C12orf54: variants seen among roughly 807,000 people sequenced by gnomAD.
C12orf54 encodes chromosome 12 open reading frame 54, also known as uncharacterized protein C12orf54.
In C12orf54, 24 loss-of-function variants were observed where a neutral mutation model predicts 26.4. That is an observed-to-expected ratio of 0.91 (90% CI 0.66 to 1.28). The LOEUF (loss-of-function observed/expected upper bound fraction) is 1.28. Among genes scored for constraint, C12orf54 ranks in the 50% most tolerant of loss-of-function variants. The probability of loss-of-function intolerance (pLI) is 0.00; values close to 1 mark genes in which losing one functional copy is unlikely to be tolerated. For missense variants in C12orf54, 154 were observed against 150.9 expected (o/e 1.02, Z -0.11); for synonymous variants, 54 against 47.0 (o/e 1.15, Z -0.61).
At chr12:48,444,105 A>G in the C12orf54 span, among the ~76,000 whole-genome samples, 1 of 152,250 alleles carries the variant, frequency 6.6e-6, no homozygotes, top group Non-Finnish European at 1.5e-5. Flanking sequence ...CCTGTTGGAT[A>G]TAGATCTCTT....
In C12orf54 at chr12:48,489,137, A is replaced by T. The variant is rs757510334; in HGVS notation, c.168+181A>T. 10 of 764,872 alleles carry T rather than the reference A, an allele frequency of 1.3e-5. No individual in the cohort carries two copies. In the African/African-American group the frequency reaches 1.5e-4, roughly 12 times the overall value. The allele number at this position is 764,872 out of a possible 1,614,324, so 47.4% of individuals were successfully genotyped here. Reference sequence around the variant, plus strand: ...CAGTCCAGGCGGCTAAGGCAAGAAGATGCCTAACAGTTCCCTTGAGGAAAT... The same window carrying T: ...CAGTCCAGGCGGCTAAGGCAAGAAGTTGCCTAACAGTTCCCTTGAGGAAAT... On this transcript the variant is annotated intron_variant, in intron 5 of 8. Coordinates refer to ENST00000548364, the MANE Select transcript of C12orf54 (RefSeq NM_152319.4).
At chr12:48,473,551 G>C in the C12orf54 span, 1 of 339,408 alleles carries the variant, frequency 2.9e-6, no homozygotes, top group Non-Finnish European at 5.7e-6. Context: ...GAGAGGAAAA[G>C]TGTACTGGGG....
chr12:48,481,627 A>T (rs1180676900), upstream of C12orf54, among the ~76,000 whole-genome samples: 1 of 152,172 alleles, frequency 6.6e-6, no homozygotes, highest in African/African-American at 2.4e-5. Flanking sequence ...TCTGTTGTAC[A>T]TACCCTGGCA....
the C12orf54 span, among the ~76,000 whole-genome samples, chr12:48,458,704 C>T: frequency 6.6e-6 from 1 of 151,412 alleles, no homozygotes; most frequent in African/African-American, 2.4e-5. Flanking sequence ...ATGCCTGACA[C>T]CTGCTCCACA....
the C12orf54 span, among the ~76,000 whole-genome samples, chr12:48,435,091 G>A: frequency 6.6e-6 from 1 of 152,242 alleles, no homozygotes; most frequent in East Asian, 1.9e-4. Context: ...TGAAAACTAT[G>A]GCACGAGAAC....
At chr12:48,453,535 A>T in the C12orf54 span, among the ~76,000 whole-genome samples, 2 of 143,534 alleles carry the variant, frequency 1.4e-5, no homozygotes, top group Non-Finnish European at 3.0e-5. Flanking sequence ...ATATATATAC[A>T]CATACATATA....
the C12orf54 span, among the ~76,000 whole-genome samples, chr12:48,428,743 G>A: frequency 2.6e-5 from 4 of 152,038 alleles, no homozygotes; most frequent in Non-Finnish European, 4.4e-5. Context: ...AAGACATAAA[G>A]AAGAATTGGT....
chr12:48,442,819 C>G, the C12orf54 span: 85 of 156,868 alleles, frequency 5.4e-4, no homozygotes, highest in Non-Finnish European at 1.1e-3. Context: ...TCACCACCAG[C>G]AGCAGCAGGT....
chr12:48,423,659 TG>T, the C12orf54 span, among the ~76,000 whole-genome samples: 1 of 152,232 alleles, frequency 6.6e-6, no homozygotes, highest in South Asian at 2.1e-4. Flanking sequence ...CAATGTACTT[TG>T]TTTTCTTGCT....
chr12:48,450,235 T>C, the C12orf54 span, among the ~76,000 whole-genome samples: 2 of 152,200 alleles, frequency 1.3e-5, no homozygotes, highest in Non-Finnish European at 2.9e-5. Context: ...GAATGAATTT[T>C]GACTAAATAA....
the C12orf54 span, among the ~76,000 whole-genome samples, chr12:48,441,550 GAAT>G: frequency 6.6e-6 from 1 of 151,956 alleles, no homozygotes; most frequent in African/African-American, 2.4e-5. Context: ...AAGAATGAGT[GAAT>G]AATGACAGGG....
the C12orf54 span, among the ~76,000 whole-genome samples, chr12:48,451,844 C>T: frequency 6.6e-6 from 1 of 152,080 alleles, no homozygotes; most frequent in Admixed American, 6.6e-5. Context: ...AGAAATGGCA[C>T]AAATAGAAAA....
At chr12:48,489,997 C>T (rs1255401416) in intron 5 of C12orf54, among the ~76,000 whole-genome samples, 1 of 152,146 alleles carries the variant, frequency 6.6e-6, no homozygotes, top group East Asian at 1.9e-4. Context: ...GCTGGGATTA[C>T]AGACATGAGC....
the C12orf54 span, among the ~76,000 whole-genome samples, chr12:48,425,891 C>T: frequency 4.7e-4 from 69 of 148,160 alleles, no homozygotes; most frequent in African/African-American, 1.6e-3. Context: ...TGAAAAGTAT[C>T]GGTTCATATC....
the C12orf54 span, among the ~76,000 whole-genome samples, chr12:48,432,555 AC>A: frequency 6.6e-6 from 1 of 152,182 alleles, no homozygotes; most frequent in African/African-American, 2.4e-5. Flanking sequence ...TGCTGCATGA[AC>A]TTTAAAAATG....
intron 2 of C12orf54, among the ~76,000 whole-genome samples, chr12:48,485,513 G>A (rs1954249615): frequency 3.9e-5 from 6 of 152,146 alleles, no homozygotes; most frequent in Admixed American, 3.9e-4. Context: ...AGCTGAGTTT[G>A]CTCAGGATCA....
At chr12:48,479,485 A>T (rs1166680468), upstream of C12orf54, among the ~76,000 whole-genome samples, 1 of 152,130 alleles carries the variant, frequency 6.6e-6, no homozygotes, top group African/African-American at 2.4e-5. Flanking sequence ...CACGTTGTGC[A>T]CATGTACCCT....
chr12:48,465,011 T>C, the C12orf54 span, among the ~76,000 whole-genome samples: 1 of 151,994 alleles, frequency 6.6e-6, no homozygotes, highest in Admixed American at 6.6e-5. Flanking sequence ...AACCGGGCAA[T>C]GATTTCATGA....
chr12:48,425,035 A>G, the C12orf54 span, among the ~76,000 whole-genome samples: 1 of 152,140 alleles, frequency 6.6e-6, no homozygotes, highest in South Asian at 2.1e-4. Flanking sequence ...TTGGTGAATT[A>G]TATGTAGGCT....
Sources: gnomAD v4.1 joint callset for allele counts (sites outside exome capture counted in the v4.1 genomes callset) on GRCh38, gnomAD v4.1.1 for gene constraint, MANE v1.5 for transcripts, NCBI Gene and HGNC (gene_info 2026-07-23, HGNC 2026-07-21) for gene names.